KCNMA1: variants seen among roughly 807,000 people sequenced by gnomAD.
KCNMA1 encodes the protein potassium calcium-activated channel subfamily M alpha 1.
KCNMA1 carries 29 observed loss-of-function variants against 140.0 expected under a neutral mutation model. That is an observed-to-expected ratio of 0.21 (90% CI 0.15 to 0.28). The LOEUF is 0.28. KCNMA1 is among the 10% of genes least tolerant of loss of function. The pLI is 1.00. For missense variants in KCNMA1, 880 were observed against 1,602.2 expected (o/e 0.55, Z 7.70); for synonymous variants, 612 against 611.9 (o/e 1.00, Z 0.00).
At chr10:76,988,698 G>A (rs1304041467) in intron 19 of KCNMA1, among the ~76,000 whole-genome samples, 1 of 152,128 alleles carries the variant, frequency 6.6e-6, no homozygotes, top group African/African-American at 2.4e-5. Context: ...ATTTGCTGAC[G>A]ATCTCCAGAC....
At chr10:77,324,963 CTCTCTCTCTG>C (rs1393785755) in intron 2 of KCNMA1, among the ~76,000 whole-genome samples, 2 of 104,448 alleles carry the variant, frequency 1.9e-5, no homozygotes, top group African/African-American at 9.8e-5. Context: ...CTCTCTCTCT[CTCTCTCTCTG>C]TGTGTGTGTG....
At chr10:77,611,309 A>G (rs188211134) in intron 1 of KCNMA1, among the ~76,000 whole-genome samples, 2 of 152,378 alleles carry the variant, frequency 1.3e-5, no homozygotes, top group East Asian at 3.9e-4. Context: ...TGAGCAGATC[A>G]GCATGTGCCC....
intron 1 of KCNMA1, among the ~76,000 whole-genome samples, chr10:77,493,435 G>A (rs549280404): frequency 1.3e-5 from 2 of 152,384 alleles, no homozygotes; most frequent in South Asian, 2.1e-4. Context: ...CTGCTGTGTG[G>A]TAGAAGAGAA....
chr10:76,975,782 A>C (rs918158027), intron 19 of KCNMA1, among the ~76,000 whole-genome samples: 1 of 152,194 alleles, frequency 6.6e-6, no homozygotes, highest in Admixed American at 6.5e-5. Flanking sequence ...ATAAAAATCA[A>C]CTATAAATCT....
At chr10:77,463,063 C>T (rs2097909102) in intron 1 of KCNMA1, among the ~76,000 whole-genome samples, 1 of 152,126 alleles carries the variant, frequency 6.6e-6, no homozygotes, top group Admixed American at 6.5e-5. Context: ...TGGTCCTGGC[C>T]CCATTCTCCC....
At chr10:77,342,974 T>C (rs1183871016) in intron 2 of KCNMA1, among the ~76,000 whole-genome samples, 2 of 152,176 alleles carry the variant, frequency 1.3e-5, no homozygotes, top group African/African-American at 2.4e-5. Flanking sequence ...TCCGAGAGCT[T>C]TGACCTTGAG....
At position 76,891,807 on chromosome 10, in the gene KCNMA1, G is replaced by A; in HGVS notation, c.3148-88C>T. The A allele has an allele frequency of 2.8e-6, 3 of 1,076,884 alleles. No homozygotes were observed. The South Asian group carries it at 3.9e-5, about 14-fold the overall frequency. The allele number at this position is 1,076,884 out of a possible 1,614,324, so 66.7% of individuals were successfully genotyped here. A position where few individuals can be genotyped will look rare whatever the true frequency, so the allele number is the denominator to read the frequency against. On this transcript the variant is annotated intron_variant, in intron 25 of 27. Coordinates refer to ENST00000286628, the MANE Select transcript of KCNMA1 (RefSeq NM_001161352.2). ...CGACATCCAAATTACAACTTTTCTT[G>A]GTATCTCCTGTTTAAAGTTCTGGCC...
chr10:76,879,091 A>AG (rs2033431671), intron 29 of KCNMA1, among the ~76,000 whole-genome samples: 1 of 152,108 alleles, frequency 6.6e-6, no homozygotes, highest in East Asian at 1.9e-4. Context: ...CTGGTTTGAT[A>AG]GGGGGCGTTG....
rs200165372 is a variant in KCNMA1, at chr10:76,886,593, G to C, written c.*673C>G. ...ATATTAAGGTGAGAAATGTTCATAA[G>C]AACTCCCAGAGGGAACTGGCTCTGG... On this transcript the variant is annotated 3_prime_UTR_variant, in exon 28 of 28. Transcript: ENST00000286628. 8.4e-5 allele frequency: 83 copies of C among 987,978 alleles called. No individual in the cohort carries two copies. The highest frequency in any genetic ancestry group is 1.2e-4 in the Admixed American group (2 of 16,842). 61.2% of individuals were successfully genotyped at this position (987,978 alleles called of 1,614,324 possible). A position where few individuals can be genotyped will look rare whatever the true frequency, so the allele number is the denominator to read the frequency against.
chr10:77,084,520 A>G (rs1265157824), intron 12 of KCNMA1, 117 bp downstream of exon 12: 11 of 811,430 alleles, frequency 1.4e-5, no homozygotes, highest in Non-Finnish European at 2.1e-5. Context: ...TGAGTTGTAC[A>G]GTGGCTTGTG....
At chr10:77,439,360 G>T (rs1434599440) in intron 1 of KCNMA1, among the ~76,000 whole-genome samples, 1 of 152,188 alleles carries the variant, frequency 6.6e-6, no homozygotes, top group Non-Finnish European at 1.5e-5. Context: ...GTGGAGCCCA[G>T]ATGTTGCCAT....
At chr10:77,083,666 T>C (rs902979522) in intron 12 of KCNMA1, among the ~76,000 whole-genome samples, 1 of 147,058 alleles carries the variant, frequency 6.8e-6, no homozygotes, top group African/African-American at 2.5e-5. Flanking sequence ...CTGTCCCTAC[T>C]AAAAAAAAAA....
At chr10:77,348,307 T>C (rs558636923) in intron 2 of KCNMA1, among the ~76,000 whole-genome samples, 7 of 152,316 alleles carry the variant, frequency 4.6e-5, no homozygotes, top group South Asian at 4.1e-4. Context: ...CAGCCTTCCA[T>C]TGGCTGTTGG....
chr10:76,917,942 C>T (rs567787660), intron 23 of KCNMA1, among the ~76,000 whole-genome samples: 1 of 152,150 alleles, frequency 6.6e-6, no homozygotes, highest in Non-Finnish European at 1.5e-5. Context: ...AAGCACCTTC[C>T]ATAAAGGAAT....
At chr10:76,914,727 T>C (rs2052001451) in intron 24 of KCNMA1, 1 of 501,898 alleles carries the variant, frequency 2.0e-6, no homozygotes, top group South Asian at 2.1e-5. Flanking sequence ...TGAAGGAAAC[T>C]GTCTATTCAT....
intron 1 of KCNMA1, among the ~76,000 whole-genome samples, chr10:77,518,556 G>A (rs1359882971): frequency 6.6e-6 from 1 of 152,206 alleles, no homozygotes; most frequent in Non-Finnish European, 1.5e-5. Flanking sequence ...TTAGTACTGA[G>A]GGAAGGGGAC....
chr10:76,988,113 A>G (rs1280807577), intron 19 of KCNMA1, among the ~76,000 whole-genome samples: 1 of 152,206 alleles, frequency 6.6e-6, no homozygotes, highest in African/African-American at 2.4e-5. Context: ...GAGGAAAGAG[A>G]GAGTGTTACA....
intron 2 of KCNMA1, among the ~76,000 whole-genome samples, chr10:77,299,835 G>A (rs2076136898): frequency 6.6e-6 from 1 of 152,114 alleles, no homozygotes; most frequent in Non-Finnish European, 1.5e-5. Context: ...TAGCATCAAG[G>A]TCCCCAGAGC....
chr10:77,180,913 T>G (rs769457397), intron 5 of KCNMA1, among the ~76,000 whole-genome samples: 3 of 152,060 alleles, frequency 2.0e-5, no homozygotes, highest in East Asian at 3.9e-4. Context: ...TCACAACATA[T>G]CTCCAAAAAT....
Sources: allele counts gnomAD v4.1 joint callset (sites outside exome capture counted in the v4.1 genomes callset), GRCh38; gene constraint gnomAD v4.1.1; transcripts MANE v1.5; gene names NCBI Gene and HGNC (gene_info 2026-07-23, HGNC 2026-07-21).